The following CNTNAP3 variants were observed in gnomAD, a reference collection of about 807,000 sequenced individuals.
CNTNAP3 encodes the protein contactin associated protein family member 3, also known as contactin-associated protein-like 3.
CNTNAP3 carries 36 observed loss-of-function variants against 92.1 expected under a neutral mutation model. That is an observed-to-expected ratio of 0.39 (90% CI 0.30 to 0.52). The LOEUF is 0.52. Among genes scored for constraint, CNTNAP3 ranks in the 20% least tolerant of loss-of-function variants. CNTNAP3 has a pLI of 0.76. For missense variants in CNTNAP3, 534 were observed against 1,069.6 expected, an observed-to-expected ratio of 0.50 and a Z score of 6.98; for synonymous variants, 232 against 422.3, an observed-to-expected ratio of 0.55 and a Z score of 5.53.
At chr9:39,099,024 G>A (rs904871969) in intron 18 of CNTNAP3, among the ~76,000 whole-genome samples, 44 of 151,164 alleles carry the variant, frequency 2.9e-4, no homozygotes, top group African/African-American at 1.0e-3. Flanking sequence ...GCCCAGGAGT[G>A]AGTGCAGTGG....
chr9:39,148,494 G>T (rs559653997), intron 10 of CNTNAP3, among the ~76,000 whole-genome samples: 2 of 151,688 alleles, frequency 1.3e-5, no homozygotes, highest in South Asian at 4.2e-4. Flanking sequence ...GAAGAAGGCA[G>T]GTTTTGAAAG....
intron 18 of CNTNAP3, among the ~76,000 whole-genome samples, chr9:39,095,161 A>T (rs1431187597): frequency 2.0e-5 from 3 of 151,688 alleles, no homozygotes; most frequent in African/African-American, 7.2e-5. Context: ...AGAGAAATAC[A>T]ACCAAATTTT....
chr9:39,113,836 CA>C (rs1820777006), intron 14 of CNTNAP3, among the ~76,000 whole-genome samples: 1 of 150,852 alleles, frequency 6.6e-6, no homozygotes, highest in Non-Finnish European at 1.5e-5. Context: ...GCTGCTATAT[CA>C]AGTTTGTTAA....
At chr9:39,101,452 A>G (rs1826453526) in intron 17 of CNTNAP3, among the ~76,000 whole-genome samples, 2 of 142,304 alleles carry the variant, frequency 1.4e-5, no homozygotes, top group Admixed American at 1.4e-4. Context: ...AATAGTTTCA[A>G]AAGCAATATG....
intron 13 of CNTNAP3, among the ~76,000 whole-genome samples, chr9:39,123,386 G>A (rs776754073): frequency 3.2e-4 from 49 of 152,238 alleles, no homozygotes; most frequent in South Asian, 1.9e-3. Flanking sequence ...GTGAGTCACC[G>A]CGCCCGACCC....
chr9:39,252,850 T>C lies in CNTNAP3; in HGVS notation c.197-13664A>G, dbSNP rs1252087691. Among the ~76,000 whole-genome samples the C allele has an allele frequency of 2.2e-4, 2 of 9,160 alleles. 1 individual carries two copies. The highest frequency in any genetic ancestry group is 1.1e-3 in the Non-Finnish European group (2 of 1,862). 6.0% of individuals were successfully genotyped at this position (9,160 alleles called of 152,430 possible). A position where few individuals can be genotyped will look rare whatever the true frequency, so the allele number is the denominator to read the frequency against. On this transcript the variant is annotated intron_variant, in intron 2 of 23. Coordinates refer to ENST00000297668, the MANE Select transcript of CNTNAP3 (RefSeq NM_033655.5). ...CTATATATAGTCAGTATACAGTCAG[T>C]ATATACTAACATATATGTATATGTG...
intron 21 of CNTNAP3, 117 bp from the exon 22 acceptor site, chr9:39,079,037 G>A (rs1825865559): frequency 4.8e-6 from 7 of 1,472,826 alleles, no homozygotes; most frequent in Admixed American, 2.0e-5. Flanking sequence ...AGGTCCCTCC[G>A]AACCCCTCGT....
chr9:39,129,796 T>C (rs958349025), intron 13 of CNTNAP3, among the ~76,000 whole-genome samples: 10 of 151,640 alleles, frequency 6.6e-5, no homozygotes, highest in Non-Finnish European at 1.2e-4. Context: ...ACAAAACAAA[T>C]CCAAACAATC....
intron 23 of CNTNAP3, among the ~76,000 whole-genome samples, chr9:39,076,764 C>A (rs1174349781): frequency 6.6e-6 from 1 of 152,310 alleles, no homozygotes; most frequent in Admixed American, 6.5e-5. Flanking sequence ...GTCAGGAGAT[C>A]GAGACCATTC....
Position 39,132,688 on chromosome 9 carries a change from A to G in CNTNAP3, c.2080+244T>C, listed in dbSNP as rs551525459. Among the ~76,000 whole-genome samples the G allele has an allele frequency of 1.3e-4, 20 of 152,262 alleles. 1 individual carries two copies. The South Asian group carries it at 4.1e-3, about 32-fold the overall frequency. On this transcript the variant is annotated intron_variant, in intron 13 of 23. Transcript: ENST00000297668. ...TAAGTTATCAGCAAAATTTCCCTTG[A>G]TTAAGAAAGGACAAGTCACTAGTCC... is the stretch of plus-strand genomic sequence containing the variant.
intron 12 of CNTNAP3, among the ~76,000 whole-genome samples, chr9:39,135,450 A>G (rs1392525294): frequency 2.0e-5 from 3 of 152,000 alleles, no homozygotes; most frequent in Non-Finnish European, 1.5e-5. Context: ...CTGAGTCTGA[A>G]CACACTGGAG....
Position 39,107,312 on chromosome 9 carries a change from G to GGGAAGGAAGGAA in CNTNAP3, c.2365+1836_2365+1847dup, listed in dbSNP as rs772485564. Reference sequence around the variant, plus strand: ...AAAGAAGAGAGGGAGGGAGGGAGTGGGGAAGGAAGGAAGGAAGGAAGGAGT... The same window carrying GGGAAGGAAGGAA: ...AAAGAAGAGAGGGAGGGAGGGAGTGGGGAAGGAAGGAAGGAAGGAAGGAAGGAAGGAAGGAGT... On this transcript the variant is annotated intron_variant, in intron 15 of 23. Transcript: ENST00000297668. 8.6e-5 allele frequency among the ~76,000 whole-genome samples: 13 copies of GGGAAGGAAGGAA among 150,640 alleles called. No homozygotes were observed. The East Asian group carries it at 1.4e-3, about 16-fold the overall frequency.
At chr9:39,099,855 C>T in intron 18 of CNTNAP3, 56 bp downstream of exon 18, 1 of 1,582,662 alleles carries the variant, frequency 6.3e-7, no homozygotes, top group Admixed American at 1.8e-5. Context: ...AAGCATTCTT[C>T]ATGTTATTTA....
intron 15 of CNTNAP3, among the ~76,000 whole-genome samples, chr9:39,106,176 GTGTTA>G (rs898689928): frequency 6.6e-6 from 1 of 152,158 alleles, no homozygotes; most frequent in African/African-American, 2.4e-5. Flanking sequence ...GAATCAATAA[GTGTTA>G]TGTTAAAGAA....
At chr9:39,152,904 G>A (rs1244476099) in intron 9 of CNTNAP3, among the ~76,000 whole-genome samples, 1 of 106,104 alleles carries the variant, frequency 9.4e-6, no homozygotes, top group African/African-American at 4.6e-5. Flanking sequence ...CTGACCTCGT[G>A]ATCCACCTGC....
At chr9:39,103,347 C>G (rs143314728) in intron 16 of CNTNAP3, among the ~76,000 whole-genome samples, 1 of 151,980 alleles carries the variant, frequency 6.6e-6, no homozygotes, top group Admixed American at 6.6e-5. Flanking sequence ...TTTGGGAACC[C>G]GAGGCAGGCA....
chr9:39,153,935 T>C (rs1047927543), intron 9 of CNTNAP3: 2 of 189,728 alleles, frequency 1.1e-5, no homozygotes, highest in African/African-American at 5.1e-5. Flanking sequence ...TCTCTCAAGG[T>C]TTCTTTGGTG....
intron 13 of CNTNAP3, among the ~76,000 whole-genome samples, chr9:39,126,981 C>T (rs929773327): frequency 6.6e-6 from 1 of 151,618 alleles, no homozygotes; most frequent in Admixed American, 6.6e-5. Flanking sequence ...GCCGATGAAA[C>T]ATTTACAAGA....
At chr9:39,081,047 T>C (rs780561506) in intron 21 of CNTNAP3, among the ~76,000 whole-genome samples, 3 of 151,062 alleles carry the variant, frequency 2.0e-5, no homozygotes, top group Admixed American at 6.6e-5. Context: ...TTCTTACATC[T>C]TTAATAAATG....
Sources: gnomAD v4.1 joint callset for allele counts (sites outside exome capture counted in the v4.1 genomes callset) on GRCh38, gnomAD v4.1.1 for gene constraint, MANE v1.5 for transcripts, NCBI Gene and HGNC (gene_info 2026-07-23, HGNC 2026-07-21) for gene names.